The following NXN variants were observed in gnomAD, a reference collection of about 807,000 sequenced individuals.
NXN encodes nucleoredoxin 1.
In NXN, 16 loss-of-function variants were observed where a neutral mutation model predicts 48.6. That is an observed-to-expected ratio of 0.33 (90% CI 0.22 to 0.50). The LOEUF is 0.50. Ranked by LOEUF, NXN falls within the 20% of genes least tolerant of loss-of-function variation. The pLI is 0.98. For missense variants in NXN, 492 were observed against 605.5 expected (o/e 0.81, Z 1.97); for synonymous variants, 281 against 269.6 (o/e 1.04, Z -0.41).
At chr17:954,992 C>G (rs1003748080) in intron 1 of NXN, among the ~76,000 whole-genome samples, 1 of 152,080 alleles carries the variant, frequency 6.6e-6, no homozygotes, top group Non-Finnish European at 1.5e-5. Flanking sequence ...AGGAGGTCTG[C>G]CCCGCGTCCC....
At chr17:945,546 G>A (rs1281208610) in intron 1 of NXN, among the ~76,000 whole-genome samples, 1 of 151,008 alleles carries the variant, frequency 6.6e-6, no homozygotes, top group East Asian at 2.0e-4. Context: ...CAGGAGAATG[G>A]CGTGAACCCG....
At chr17:809,530 G>A (rs1911786213) in intron 5 of NXN, among the ~76,000 whole-genome samples, 1 of 152,176 alleles carries the variant, frequency 6.6e-6, no homozygotes, top group South Asian at 2.1e-4. Context: ...GGGAGGCAGA[G>A]AGGAGCGGGC....
intron 1 of NXN, among the ~76,000 whole-genome samples, chr17:966,430 C>T (rs1210319489): frequency 6.6e-6 from 1 of 152,098 alleles, no homozygotes; most frequent in East Asian, 1.9e-4. Context: ...TCACCGCAAC[C>T]TCCGCTTCCA....
intron 1 of NXN, among the ~76,000 whole-genome samples, chr17:923,115 G>A (rs75208807): frequency 0.013 from 1,954 of 152,042 alleles, 30 homozygotes; most frequent in East Asian, 0.061. Flanking sequence ...CATTATCCAC[G>A]AGTTCAGGAC....
In NXN at chr17:823,656, C is replaced by A; in HGVS notation, c.588G>T (p.Val196=). Residue 196 remains valine (V), a synonymous_variant, in exon 3 of 8, where the codon GTG becomes GTT. Coordinates refer to ENST00000336868, the MANE Select transcript of NXN (RefSeq NM_022463.5). ...LESSSLEGSH[V]GVYFSAHWCP... is the part of the protein sequence containing the mutation. Reference sequence around the variant, plus strand: ...CCCAATGTGCGGAGAAATAGACGCCCACGTGAGACCCCTCCAGGCTGCTGC... The same window carrying A: ...CCCAATGTGCGGAGAAATAGACGCCAACGTGAGACCCCTCCAGGCTGCTGC... The A allele has an allele frequency of 6.2e-7, 1 of 1,614,104 alleles. No individual in the cohort carries two copies. Among genetic ancestry groups the A allele is most frequent in the African/African-American group, 1.3e-5 (1 of 75,032 alleles).
intron 1 of NXN, among the ~76,000 whole-genome samples, chr17:841,550 C>T (rs1236646773): frequency 3.1e-4 from 34 of 108,590 alleles, no homozygotes; most frequent in South Asian, 2.6e-3. Flanking sequence ...CTCACGCCGG[C>T]GAGCAGGTCC....
rs1426738036 is a variant in NXN at position 806,892 on chromosome 17, C to G, written c.821-1645G>C. Among the ~76,000 whole-genome samples, 15 of 151,998 alleles carry G rather than the reference C, an allele frequency of 9.9e-5. No individual in the cohort carries two copies. The South Asian group carries it at 3.1e-3, about 32-fold the overall frequency. The stretch of plus-strand genomic sequence containing the variant: ...TCCAGAGAGAACAGGCTCTTGAGAA[C>G]AGCCACTCCGACATCACACACACTC... On this transcript the variant is annotated intron_variant, in intron 5 of 7. Transcript: ENST00000336868.
chr17:890,704 T>C lies in NXN; in HGVS notation c.361-64626A>G, dbSNP rs565760584. 1.1e-3 allele frequency among the ~76,000 whole-genome samples: 163 copies of C among 147,238 alleles called. 1 individual carries two copies. Among genetic ancestry groups the C allele is most frequent in the African/African-American group, 3.5e-3 (146 of 41,128 alleles). On this transcript the variant is annotated intron_variant, in intron 1 of 7. Coordinates refer to ENST00000336868, the MANE Select transcript of NXN (RefSeq NM_022463.5). ...CCAAGAGTTTTTTCAAAATAATATTTTTCTGGATTTTTCTGGTTACATCTG... is the reference window on the plus strand; with the variant it reads ...CCAAGAGTTTTTTCAAAATAATATTCTTCTGGATTTTTCTGGTTACATCTG...
intron 1 of NXN, among the ~76,000 whole-genome samples, chr17:847,660 T>C (rs936991779): frequency 2.0e-5 from 3 of 152,052 alleles, no homozygotes; most frequent in African/African-American, 7.2e-5. Context: ...TGCCTTTATA[T>C]AGAAACGGAC....
intron 5 of NXN, among the ~76,000 whole-genome samples, chr17:809,904 A>G (rs891037699): frequency 2.1e-5 from 3 of 140,154 alleles, no homozygotes; most frequent in Non-Finnish European, 3.1e-5. Context: ...AGTCCCTGTG[A>G]GTGCCGTGCA....
intron 1 of NXN, chr17:905,113 T>A (rs1303893750): frequency 6.6e-6 from 1 of 152,126 alleles, no homozygotes; most frequent in Non-Finnish European, 1.5e-5. Flanking sequence ...ACTGGAATTA[T>A]ATTAAAATTC....
At chr17:802,042 C>T (rs1406125699) in intron 7 of NXN, among the ~76,000 whole-genome samples, 4 of 152,334 alleles carry the variant, frequency 2.6e-5, no homozygotes, top group African/African-American at 9.6e-5. Context: ...TGGTGAATTT[C>T]CCTAATAGCA....
At chr17:885,082 A>G (rs1249393987) in intron 1 of NXN, among the ~76,000 whole-genome samples, 1 of 152,214 alleles carries the variant, frequency 6.6e-6, no homozygotes, top group Non-Finnish European at 1.5e-5. Context: ...GGGATGATAC[A>G]GTATGAAAGA....
At chr17:879,591 G>C (rs1026317175) in intron 1 of NXN, among the ~76,000 whole-genome samples, 1 of 151,982 alleles carries the variant, frequency 6.6e-6, no homozygotes, top group South Asian at 2.1e-4. Flanking sequence ...CCGGCCACGA[G>C]TCTGGTTTTA....
rs1453168914 is a variant in NXN at position 806,195 on chromosome 17, AGGG to A, written c.821-951_821-949del. Among the ~76,000 whole-genome samples the A allele has an allele frequency of 1.4e-3, 23 of 16,166 alleles. 1 individual carries two copies. The highest frequency in any genetic ancestry group is 7.2e-3 in the African/African-American group (22 of 3,066). 10.6% of individuals were successfully genotyped at this position (16,166 alleles called of 152,430 possible). ...TGCACCCCAGCACAACCCCCTCCCC[AGGG>A]CTGCAGCCCCCGCCGTCTGCACCCC... On this transcript the variant is annotated intron_variant, in intron 5 of 7. Coordinates refer to ENST00000336868, the MANE Select transcript of NXN (RefSeq NM_022463.5).
intron 1 of NXN, chr17:879,741 G>C (rs1240829251): frequency 6.6e-6 from 1 of 152,264 alleles, no homozygotes; most frequent in African/African-American, 2.4e-5. Flanking sequence ...CTTGGGAGGA[G>C]AGCTGGTGGG....
chr17:810,073 C>CGTGCACGTTACGAGTCCGTGTGAGTGGT (rs1911857061), intron 5 of NXN, among the ~76,000 whole-genome samples: 2 of 108,272 alleles, frequency 1.8e-5, no homozygotes, highest in Non-Finnish European at 3.8e-5. Flanking sequence ...CTGTGAGTGG[C>CGTGCACGTTACGAGTCCGTGTGAGTGGT]GTGCACGTTA....
At chr17:843,450 G>A (rs982577707) in intron 1 of NXN, among the ~76,000 whole-genome samples, 5 of 152,238 alleles carry the variant, frequency 3.3e-5, no homozygotes, top group African/African-American at 9.6e-5. Flanking sequence ...TGCAGCTCTC[G>A]CAAGCTGACA....
At chr17:948,462 T>A (rs1431928399) in intron 1 of NXN, among the ~76,000 whole-genome samples, 11 of 152,054 alleles carry the variant, frequency 7.2e-5, no homozygotes, top group Admixed American at 6.5e-4. Flanking sequence ...GGGATCTGGG[T>A]ACTGAGGGGT....
Sources: allele counts gnomAD v4.1 joint callset (sites outside exome capture counted in the v4.1 genomes callset), GRCh38; gene constraint gnomAD v4.1.1; transcripts MANE v1.5; gene names NCBI Gene and HGNC (gene_info 2026-07-23, HGNC 2026-07-21).